CCDC3: variants seen among roughly 807,000 people sequenced by gnomAD.
The protein encoded by CCDC3 is coiled-coil domain containing 3.
A neutral mutation model predicts 21.4 loss-of-function variants in CCDC3; 24 were observed. The ratio of observed to expected loss-of-function variants is 1.12; its 90% CI spans 0.81 to 1.58. The LOEUF is 1.58. Among genes scored for constraint, CCDC3 ranks in the 40% most tolerant of loss-of-function variants. CCDC3 has a pLI of 0.00. For synonymous variants in CCDC3, 186 were observed against 166.0 expected (o/e 1.12, Z -0.93); for missense variants, 425 against 360.9 (o/e 1.18, Z -1.44).
chr10:13,019,868 C>G (rs573564926), intron 5 of CCDC3, among the ~76,000 whole-genome samples: 1 of 152,032 alleles, frequency 6.6e-6, no homozygotes, highest in African/African-American at 2.4e-5. Flanking sequence ...TGGTAGTGCA[C>G]GCCTGTAATC....
chr10:13,014,198 A>G (rs930402915), intron 5 of CCDC3, among the ~76,000 whole-genome samples: 1 of 151,666 alleles, frequency 6.6e-6, no homozygotes, highest in Non-Finnish European at 1.5e-5. Context: ...TCATGCCTAT[A>G]ATCCCAGCAC....
chr10:12,994,307 A>C (rs1488096533), intron 2 of CCDC3, among the ~76,000 whole-genome samples: 2 of 151,998 alleles, frequency 1.3e-5, no homozygotes, highest in Non-Finnish European at 2.9e-5. Context: ...CTGAGGTAGA[A>C]GTATCACTTG....
At chr10:12,947,778 G>A (rs544511503) in intron 2 of CCDC3, among the ~76,000 whole-genome samples, 34 of 152,352 alleles carry the variant, frequency 2.2e-4, no homozygotes, top group African/African-American at 7.7e-4. Flanking sequence ...AGATGAGTTA[G>A]AGGAGAGCAG....
At chr10:12,969,642 A>G (rs1835312602) in intron 2 of CCDC3, among the ~76,000 whole-genome samples, 1 of 150,496 alleles carries the variant, frequency 6.6e-6, no homozygotes, top group African/African-American at 2.4e-5. Context: ...TTTATATAAT[A>G]TATATGGTAG....
At chr10:12,908,303 G>T (rs947791591) in intron 2 of CCDC3, among the ~76,000 whole-genome samples, 1 of 152,146 alleles carries the variant, frequency 6.6e-6, no homozygotes, top group African/African-American at 2.4e-5. Flanking sequence ...TATCAGCTGT[G>T]CACATTGGTC....
intron 5 of CCDC3, among the ~76,000 whole-genome samples, chr10:13,030,120 C>A (rs1344318061): frequency 2.6e-5 from 4 of 152,126 alleles, no homozygotes; most frequent in African/African-American, 9.7e-5. Flanking sequence ...AAAGGGAAAC[C>A]CATCAGACTA....
At chr10:13,064,213 T>C (rs962339019) in intron 4 of CCDC3, among the ~76,000 whole-genome samples, 2 of 152,196 alleles carry the variant, frequency 1.3e-5, no homozygotes, top group Admixed American at 6.5e-5. Context: ...CGTGAGCCAC[T>C]GTGCCCGGCC....
intron 2 of CCDC3, among the ~76,000 whole-genome samples, chr10:12,981,475 C>T (rs934819849): frequency 2.0e-5 from 3 of 152,044 alleles, no homozygotes; most frequent in Non-Finnish European, 2.9e-5. Flanking sequence ...CGTGAGCCAC[C>T]GTGCCCAGCC....
intron 5 of CCDC3, among the ~76,000 whole-genome samples, chr10:13,022,321 T>C (rs989106010): frequency 1.3e-5 from 2 of 152,110 alleles, no homozygotes; most frequent in African/African-American, 4.8e-5. Flanking sequence ...AGAATCCAGA[T>C]TTTTCTCTGT....
chr10:12,971,817 G>C (rs1342721911), intron 2 of CCDC3, among the ~76,000 whole-genome samples: 1 of 152,050 alleles, frequency 6.6e-6, no homozygotes, highest in Non-Finnish European at 1.5e-5. Flanking sequence ...CTCCCAAGTC[G>C]CTGGAATTAC....
chr10:12,916,293 A>T (rs914033896), intron 2 of CCDC3, among the ~76,000 whole-genome samples: 1 of 152,238 alleles, frequency 6.6e-6, no homozygotes, highest in East Asian at 1.9e-4. Flanking sequence ...TTAGCTGGGC[A>T]TGGTGGTGCA....
Position 13,090,824 on chromosome 10 carries a change from C to T in CCDC3, c.-503+7701G>A, listed in dbSNP as rs141572946. Among the ~76,000 whole-genome samples the T allele has an allele frequency of 1.6e-3, 237 of 152,302 alleles. 2 individuals carry two copies. Among genetic ancestry groups the T allele is most frequent in the Non-Finnish European group, 1.4e-3 (94 of 68,034 alleles). ...GTTTATTAAGGAGAATTGACTCACA[C>T]GATCACAGGGTGAAGTCCCATGACA... On this transcript the variant is annotated intron_variant, in intron 3 of 6. Transcript: ENST00000378839.
At chr10:13,038,036 T>A (rs561824367) in intron 5 of CCDC3, among the ~76,000 whole-genome samples, 2 of 152,012 alleles carry the variant, frequency 1.3e-5, no homozygotes, top group African/African-American at 4.8e-5. Context: ...TATGCAGCCA[T>A]GAAAAGGAGC....
At chr10:12,938,645 T>G (rs1485624317) in intron 2 of CCDC3, among the ~76,000 whole-genome samples, 1 of 152,200 alleles carries the variant, frequency 6.6e-6, no homozygotes, top group East Asian at 1.9e-4. Flanking sequence ...ATGTGCAAAA[T>G]ACAGAACACT....
intron 4 of CCDC3, among the ~76,000 whole-genome samples, chr10:13,067,602 C>T (rs1205901416): frequency 6.6e-6 from 1 of 152,140 alleles, no homozygotes; most frequent in African/African-American, 2.4e-5. Flanking sequence ...CCTGTAACCA[C>T]GTGGCAACGT....
At chr10:12,998,161 G>C (rs2131285465) in intron 2 of CCDC3, among the ~76,000 whole-genome samples, 177 bp downstream of exon 2, 1 of 152,266 alleles carries the variant, frequency 6.6e-6, no homozygotes, top group African/African-American at 2.4e-5. Context: ...GTTTATGAAT[G>C]GTCTTTTTTA....
intron 5 of CCDC3, among the ~76,000 whole-genome samples, chr10:13,028,871 T>C (rs1000627482): frequency 6.6e-6 from 1 of 152,186 alleles, no homozygotes; most frequent in African/African-American, 2.4e-5. Flanking sequence ...TGGACATTGC[T>C]AGACTGGAAC....
intron 2 of CCDC3, among the ~76,000 whole-genome samples, chr10:12,975,920 C>G (rs1306634297): frequency 2.6e-5 from 4 of 152,158 alleles, no homozygotes; most frequent in Non-Finnish European, 5.9e-5. Context: ...CAGCCAAGAC[C>G]CTGGCTCCAA....
intron 2 of CCDC3, among the ~76,000 whole-genome samples, chr10:12,976,080 C>T (rs1835413557): frequency 6.6e-6 from 1 of 152,342 alleles, no homozygotes; most frequent in Admixed American, 6.5e-5. Context: ...CCAGCTCACA[C>T]CCTTGCTCAC....
Sources: gnomAD v4.1 joint callset for allele counts (sites outside exome capture counted in the v4.1 genomes callset) on GRCh38, gnomAD v4.1.1 for gene constraint, MANE v1.5 for transcripts, NCBI Gene and HGNC (gene_info 2026-07-23, HGNC 2026-07-21) for gene names.